RELN: variants seen among roughly 807,000 people sequenced by gnomAD.
RELN encodes reelin.
Under a neutral mutation model 427.6 loss-of-function variants are expected in RELN, and 108 were observed. That is an observed-to-expected ratio of 0.25 (90% CI 0.22 to 0.30). RELN has a LOEUF of 0.30. RELN is among the 10% of genes least tolerant of loss of function. The pLI is 1.00. For synonymous variants in RELN, 1,524 were observed against 1,513.4 expected (o/e 1.01, Z -0.16); for missense variants, 3,715 against 4,302.8 (o/e 0.86, Z 3.82).
chr7:103,881,690 C>G (rs1203904068), intron 2 of RELN, among the ~76,000 whole-genome samples: 1 of 152,090 alleles, frequency 6.6e-6, no homozygotes, highest in African/African-American at 2.4e-5. Flanking sequence ...AGCAGAGACA[C>G]CAGATTTGCA....
intron 8 of RELN, among the ~76,000 whole-genome samples, chr7:103,715,138 G>T (rs983274492): frequency 6.6e-6 from 1 of 152,030 alleles, no homozygotes; most frequent in Non-Finnish European, 1.5e-5. Flanking sequence ...GTTTATTAAC[G>T]AGAAAACATA....
chr7:103,858,106 A>C (rs936702041), intron 2 of RELN, among the ~76,000 whole-genome samples: 1 of 152,088 alleles, frequency 6.6e-6, no homozygotes, highest in African/African-American at 2.4e-5. Context: ...TTTGTTCAAT[A>C]GTCTCTACAG....
In RELN at chr7:103,719,447, C is replaced by A. The variant is rs7779598; in HGVS notation, c.805+3693G>T. ...ACCCTGTTTACAACAATGCCGTTTTCTAGAGATTTCATGCTCTCTATGTAC... is the reference window on the plus strand; with the variant it reads ...ACCCTGTTTACAACAATGCCGTTTTATAGAGATTTCATGCTCTCTATGTAC... On this transcript the variant is annotated intron_variant, in intron 8 of 64. Coordinates refer to ENST00000428762, the MANE Select transcript of RELN (RefSeq NM_005045.4). Among the ~76,000 whole-genome samples the A allele has an allele frequency of 8.8e-3, 1,342 of 152,270 alleles. 26 individuals are homozygous for A. The highest frequency in any genetic ancestry group is 0.031 in the African/African-American group (1,286 of 41,544).
chr7:103,836,133 T>G (rs1793401210), intron 2 of RELN, among the ~76,000 whole-genome samples: 1 of 151,910 alleles, frequency 6.6e-6, no homozygotes. Flanking sequence ...CAGCTAATTT[T>G]TTTTTGTATT....
chr7:103,568,499 T>C (rs1394360950), intron 31 of RELN, among the ~76,000 whole-genome samples: 1 of 152,156 alleles, frequency 6.6e-6, no homozygotes, highest in Non-Finnish European at 1.5e-5. Flanking sequence ...TTCTGTTGAA[T>C]AAGGTGAGAC....
intron 12 of RELN, among the ~76,000 whole-genome samples, chr7:103,658,856 C>CCATTACCCCCAAACCACTGT (rs1398590017): frequency 1.3e-5 from 2 of 151,788 alleles, no homozygotes; most frequent in Non-Finnish European, 2.9e-5. Flanking sequence ...CATCTCCCTG[C>CCATTACCCCCAAACCACTGT]CATTACCCCC....
At chr7:103,661,662 T>C in intron 11 of RELN, 135 bp from the exon 12 acceptor site, 1 of 830,804 alleles carries the variant, frequency 1.2e-6, no homozygotes, top group Non-Finnish European at 1.9e-6. Flanking sequence ...TATGGCACTT[T>C]ATTTAGGCAA....
At chr7:103,576,386 C>T (rs964228794) in intron 28 of RELN, among the ~76,000 whole-genome samples, 11 of 152,122 alleles carry the variant, frequency 7.2e-5, no homozygotes, top group African/African-American at 2.7e-4. Context: ...GTGATCTGCC[C>T]GCCTCAGCCT....
intron 1 of RELN, among the ~76,000 whole-genome samples, chr7:103,923,346 G>T (rs921678392): frequency 1.3e-5 from 2 of 152,076 alleles, no homozygotes; most frequent in Admixed American, 6.6e-5. Context: ...AGAAGAACAT[G>T]ACCCTCGCAC....
At chr7:103,853,962 A>G (rs1026856999) in intron 2 of RELN, among the ~76,000 whole-genome samples, 2 of 152,106 alleles carry the variant, frequency 1.3e-5, no homozygotes, top group African/African-American at 2.4e-5. Context: ...AAAAGCTAGA[A>G]GAAGGGATTT....
rs775078043 is a variant in RELN, at chr7:103,483,658, G to T, written c.10176C>A (p.Val3392=). 6.2e-7 allele frequency: 1 copy of T among 1,614,074 alleles called. No homozygotes were observed. ...FTQAQRVSYN[V]PLEARMKGVL... ...TTTCCATTTGGGCCACTTACAGGGG[G>T]ACATTGTAAGACACTCTCTGAGCTT... Residue 3392 remains valine, a synonymous_variant, in exon 62 of 65, where the codon GTC becomes GTA. Coordinates refer to ENST00000428762, the MANE Select transcript of RELN (RefSeq NM_005045.4).
intron 55 of RELN, among the ~76,000 whole-genome samples, chr7:103,496,972 C>T (rs1466828777): frequency 2.6e-5 from 4 of 152,156 alleles, no homozygotes; most frequent in Admixed American, 6.5e-5. Flanking sequence ...AAGGATATTT[C>T]GAAAGAGTTG....
intron 49 of RELN, 131 bp downstream of exon 49, chr7:103,519,190 TTC>T: frequency 4.2e-6 from 3 of 713,748 alleles, no homozygotes; most frequent in Non-Finnish European, 7.4e-6. Flanking sequence ...TCAGAAACCC[TTC>T]TTCATTTCAG....
At chr7:103,829,163 G>T (rs1192838927) in intron 3 of RELN, among the ~76,000 whole-genome samples, 1 of 151,964 alleles carries the variant, frequency 6.6e-6, no homozygotes, top group African/African-American at 2.4e-5. Flanking sequence ...TAGAAAAGTG[G>T]CTGGCACATT....
At chr7:103,740,979 T>C (rs987060105) in intron 6 of RELN, among the ~76,000 whole-genome samples, 2 of 152,180 alleles carry the variant, frequency 1.3e-5, no homozygotes, top group Non-Finnish European at 2.9e-5. Flanking sequence ...TTTGCTTCTA[T>C]CTGGTGGTGT....
At chr7:103,851,717 C>A (rs1000120045) in intron 2 of RELN, among the ~76,000 whole-genome samples, 1 of 152,178 alleles carries the variant, frequency 6.6e-6, no homozygotes, top group African/African-American at 2.4e-5. Context: ...TATTGCCCAA[C>A]GCCCATTCTT....
intron 2 of RELN, among the ~76,000 whole-genome samples, chr7:103,914,450 C>T (rs1563088301): frequency 1.3e-5 from 2 of 152,084 alleles, no homozygotes; most frequent in Non-Finnish European, 2.9e-5. Context: ...CATTTCAGAA[C>T]TGGTTTTTTC....
intron 10 of RELN, among the ~76,000 whole-genome samples, chr7:103,691,563 A>G (rs1224481360): frequency 6.6e-6 from 1 of 152,152 alleles, no homozygotes; most frequent in Admixed American, 6.6e-5. Context: ...CTGTAATCCC[A>G]GCACTTTAAG....
chr7:103,902,718 C>T (rs1584349655), intron 2 of RELN, among the ~76,000 whole-genome samples: 1 of 152,148 alleles, frequency 6.6e-6, no homozygotes, highest in East Asian at 1.9e-4. Context: ...ATGCTAAATG[C>T]AAAACTCAGC....
Sources: gnomAD v4.1 joint callset for allele counts (sites outside exome capture counted in the v4.1 genomes callset) on GRCh38, gnomAD v4.1.1 for gene constraint, MANE v1.5 for transcripts, NCBI Gene and HGNC (gene_info 2026-07-23, HGNC 2026-07-21) for gene names.